Variants in GSTA2 observed in about 807,000 individuals in gnomAD.
GSTA2 encodes the protein glutathione S-transferase alpha 2.
Under a neutral mutation model 22.4 loss-of-function variants are expected in GSTA2, and 27 were observed. The observed-to-expected ratio is 1.21, with a 90% CI of 0.89 to 1.67. The LOEUF is 1.67. Ranked by LOEUF, GSTA2 falls within the 40% of genes most tolerant of loss-of-function variation. GSTA2 has a pLI of 0.00. For missense variants in GSTA2, 302 were observed against 260.2 expected (o/e 1.16, Z -1.11); for synonymous variants, 121 against 86.8 (o/e 1.39, Z -2.19).
At chr6:52,753,403 A>G (rs910137772) in intron 4 of GSTA2, among the ~76,000 whole-genome samples, 1 of 152,156 alleles carries the variant, frequency 6.6e-6, no homozygotes, top group Non-Finnish European at 1.5e-5. Context: ...ATGGCCAAAG[A>G]CCTGCTTCCT....
At chr6:52,753,517 A>G (rs1330759898) in intron 4 of GSTA2, among the ~76,000 whole-genome samples, 1 of 152,174 alleles carries the variant, frequency 6.6e-6, no homozygotes, top group Non-Finnish European at 1.5e-5. Context: ...CCATATTTGC[A>G]GTTCTTCCAA....
chr6:52,755,926 G>T, intron 3 of GSTA2, among the ~76,000 whole-genome samples: 1 of 152,136 alleles, frequency 6.6e-6, no homozygotes, highest in East Asian at 1.9e-4. Context: ...GCATGTTCTT[G>T]CATGTGCTTG....
rs766085856 is a variant in GSTA2, at chr6:52,752,967, C to A, written c.301G>T (p.Asp101Tyr). The change falls in exon 5 of 7, where the codon GAT becomes TAT. Residue 101 changes from aspartate to tyrosine, a missense_variant. By Grantham distance (160) the Asp-to-Tyr change is radical (BLOSUM62 -3). Coordinates refer to ENST00000493422, the MANE Select transcript of GSTA2 (RefSeq NM_000846.5). ...AGAAGAAGGATCATTTCACCCAAAT[C>A]TGCTATACCTTCTATATACATATCA... is the stretch of plus-strand genomic sequence containing the variant. ...LIDMYIEGIA[D>Y]LGEMILLLPF... 5.6e-6 allele frequency: 9 copies of A among 1,613,258 alleles called. No homozygotes were observed. In the African/African-American group the frequency reaches 1.1e-4, roughly 19 times the overall value.
At chr6:52,757,168 G>A (rs978517537) in intron 2 of GSTA2, among the ~76,000 whole-genome samples, 1 of 102,762 alleles carries the variant, frequency 9.7e-6, no homozygotes, top group African/African-American at 3.9e-5. Flanking sequence ...TTAATAGGTA[G>A]TTTGTTACAA....
chr6:52,754,301 A>C (rs545953769), intron 4 of GSTA2, among the ~76,000 whole-genome samples: 2 of 152,338 alleles, frequency 1.3e-5, no homozygotes, highest in Admixed American at 1.3e-4. Context: ...AGCTGCCAGC[A>C]GTTTCATTCA....
chr6:52,756,593 GA>G (rs1762849993), intron 2 of GSTA2, among the ~76,000 whole-genome samples: 2 of 152,210 alleles, frequency 1.3e-5, no homozygotes, highest in Admixed American at 1.3e-4. Context: ...CATCACTGGA[GA>G]AAAGGCACTG....
intron 6 of GSTA2, among the ~76,000 whole-genome samples, chr6:52,751,185 G>A (rs978039934): frequency 1.3e-5 from 2 of 152,130 alleles, no homozygotes; most frequent in African/African-American, 4.8e-5. Flanking sequence ...TCTGACAGCA[G>A]GAGCCGGAGC....
intron 2 of GSTA2, 131 bp from the exon 3 acceptor site, chr6:52,756,440 G>A (rs1762847678): frequency 4.5e-6 from 3 of 667,328 alleles, no homozygotes; most frequent in South Asian, 1.8e-5. Context: ...ACACAGAGGG[G>A]GCTAGTCATG....
At chr6:52,752,602 T>C (rs1027042410) in intron 5 of GSTA2, among the ~76,000 whole-genome samples, 2 of 152,208 alleles carry the variant, frequency 1.3e-5, no homozygotes, top group Non-Finnish European at 2.9e-5. Context: ...GAACACAAAA[T>C]TCTGTTGAAC....
chr6:52,751,859 T>C, intron 5 of GSTA2, 151 bp from the exon 6 acceptor site: 1 of 1,129,724 alleles, frequency 8.9e-7, no homozygotes, highest in Non-Finnish European at 1.3e-6. Context: ...ATTATCTGAA[T>C]GAATGAGATA....
intron 5 of GSTA2, 58 bp from the exon 6 acceptor site, chr6:52,751,766 C>A: frequency 3.7e-6 from 6 of 1,612,980 alleles, no homozygotes; most frequent in Non-Finnish European, 5.1e-6. Flanking sequence ...GGGACCCCTG[C>A]TTCTTTCAGA....
chr6:52,754,417 G>C (rs985935895), intron 4 of GSTA2, among the ~76,000 whole-genome samples: 2 of 152,128 alleles, frequency 1.3e-5, no homozygotes, highest in African/African-American at 4.8e-5. Context: ...CATGTGTCAA[G>C]GTAACTCCAG....
intron 3 of GSTA2, 108 bp from the exon 4 acceptor site, chr6:52,755,183 A>G: frequency 7.0e-7 from 1 of 1,432,326 alleles, no homozygotes; most frequent in Non-Finnish European, 9.5e-7. Flanking sequence ...CGAAAAAGAA[A>G]TTACTGCCTG....
intron 3 of GSTA2, among the ~76,000 whole-genome samples, chr6:52,755,635 A>AT (rs1466880684): frequency 3.3e-5 from 5 of 152,036 alleles, no homozygotes; most frequent in Admixed American, 2.6e-4. Flanking sequence ...GGACTCTTGA[A>AT]TTTTTTGTGT....
rs1158493842 is a variant in GSTA2 at position 52,754,192 on chromosome 6, T to C, written c.272+751A>G. On this transcript the variant is annotated intron_variant, in intron 4 of 6. Transcript: ENST00000493422. ...TATTGTTATTTGCATTATTCACTTA[T>C]GTAAAATATATAGTGTGGATGTATT... Among the ~76,000 whole-genome samples, 3 of 152,262 alleles carry C rather than the reference T, an allele frequency of 2.0e-5. No individual in the cohort carries two copies. In the East Asian group the frequency reaches 5.8e-4, roughly 29 times the overall value.
At chr6:52,753,083 T>A in intron 4 of GSTA2, 88 bp from the exon 5 acceptor site, 1 of 1,325,126 alleles carries the variant, frequency 7.5e-7, no homozygotes, top group East Asian at 2.4e-5. Flanking sequence ...GAGTATCAGG[T>A]GATGGCAAAA....
At chr6:52,762,412 C>T (rs1165661536) in intron 1 of GSTA2, among the ~76,000 whole-genome samples, 1 of 152,196 alleles carries the variant, frequency 6.6e-6, no homozygotes, top group African/African-American at 2.4e-5. Context: ...TGCCTTAAGG[C>T]TGGAGGTGAG....
In GSTA2 at chr6:52,756,240, C is replaced by T; in HGVS notation, c.139+18G>A. ...CTACTAGATACCCTCATTAGAGAAA[C>T]TTAGAGGTTGATCTTACCATTTCTT... On this transcript the variant is annotated intron_variant, in intron 3 of 6. Transcript: ENST00000493422. 1 of 1,587,344 alleles carries T rather than the reference C, an allele frequency of 6.3e-7. No individual in the cohort carries two copies. Among genetic ancestry groups the T allele is most frequent in the Non-Finnish European group, 8.6e-7 (1 of 1,156,282 alleles).
rs113530209 is a variant in GSTA2, at chr6:52,755,405, T to A, written c.140-330A>T. 6.9e-3 allele frequency among the ~76,000 whole-genome samples: 1,053 copies of A among 151,992 alleles called. 3 individuals carry two copies. Among genetic ancestry groups the A allele is most frequent in the Non-Finnish European group, 1.0e-2 (678 of 67,934 alleles). On this transcript the variant is annotated intron_variant, in intron 3 of 6. Transcript: ENST00000493422. The stretch of plus-strand genomic sequence containing the variant: ...ATTTTTGTATTTTTAGAAGAGATGG[T>A]GTCTCACCATGTTGGCCAAACTGGT...
Sources: gnomAD v4.1 joint callset for allele counts (sites outside exome capture counted in the v4.1 genomes callset) on GRCh38, gnomAD v4.1.1 for gene constraint, MANE v1.5 for transcripts, NCBI Gene and HGNC (gene_info 2026-07-23, HGNC 2026-07-21) for gene names.